Variants in KCNU1 observed in about 807,000 individuals in gnomAD.
KCNU1 encodes the protein potassium calcium-activated channel subfamily U member 1.
In KCNU1, 93 loss-of-function variants were observed where a neutral mutation model predicts 126.8. That is an observed-to-expected ratio of 0.73 (90% confidence interval 0.62 to 0.87). The LOEUF is 0.87. Among genes scored for constraint, KCNU1 ranks in the 40% least tolerant of loss-of-function variants. The probability of loss-of-function intolerance (pLI) is 0.00; values close to 1 mark genes in which losing one functional copy is unlikely to be tolerated. For missense variants in KCNU1, 1,330 were observed against 1,367.1 expected (o/e 0.97, Z 0.43); for synonymous variants, 523 against 494.2 (o/e 1.06, Z -0.77).
chr8:36,883,618 T>C (rs1220358903), intron 19 of KCNU1, among the ~76,000 whole-genome samples: 2 of 151,890 alleles, frequency 1.3e-5, no homozygotes, highest in Non-Finnish European at 2.9e-5. Flanking sequence ...ACCCTGTCTC[T>C]ACAAAAAAAG....
At chr8:36,789,401 G>T (rs563377446) in intron 2 of KCNU1, among the ~76,000 whole-genome samples, 24 of 152,038 alleles carry the variant, frequency 1.6e-4, no homozygotes, top group African/African-American at 5.8e-4. Flanking sequence ...GCATAACTGA[G>T]TCTCTTAGAG....
intron 19 of KCNU1, among the ~76,000 whole-genome samples, chr8:36,897,727 T>G (rs901360530): frequency 1.3e-5 from 2 of 152,074 alleles, no homozygotes; most frequent in African/African-American, 4.8e-5. Context: ...TTCTGACGCT[T>G]ACCTTTCATC....
At chr8:36,918,700 G>A in intron 22 of KCNU1, 123 bp from the exon 23 acceptor site, 1 of 683,392 alleles carries the variant, frequency 1.5e-6, no homozygotes, top group Non-Finnish European at 2.6e-6. Context: ...AAAGGATTTG[G>A]GATTTATACA....
intron 25 of KCNU1, among the ~76,000 whole-genome samples, 166 bp from the exon 26 acceptor site, chr8:36,932,754 A>C (rs1428085860): frequency 6.6e-6 from 1 of 152,116 alleles, no homozygotes. Context: ...TTCAGAACTA[A>C]TCATACTCTT....
chr8:36,908,089 G>A (rs1439290133), intron 20 of KCNU1, among the ~76,000 whole-genome samples: 1 of 152,032 alleles, frequency 6.6e-6, no homozygotes, highest in Non-Finnish European at 1.5e-5. Flanking sequence ...CATGTCTTCT[G>A]ACTCCGAGTC....
chr8:36,840,396 C>A, intron 14 of KCNU1, 67 bp from the exon 15 acceptor site: 2 of 746,408 alleles, frequency 2.7e-6, no homozygotes, highest in South Asian at 1.6e-5. Flanking sequence ...GCAGAATATG[C>A]AATGTGAATT....
At chr8:36,871,609 C>T (rs1414903273) in intron 19 of KCNU1, among the ~76,000 whole-genome samples, 2 of 152,116 alleles carry the variant, frequency 1.3e-5, no homozygotes, top group African/African-American at 4.8e-5. Flanking sequence ...TCCTGCCTAG[C>T]TTCACAGACT....
At chr8:36,844,213 T>C (rs534230878) in intron 16 of KCNU1, among the ~76,000 whole-genome samples, 31 of 152,136 alleles carry the variant, frequency 2.0e-4, no homozygotes, top group African/African-American at 7.0e-4. Context: ...ACTCCGTCTC[T>C]ACTAAAAATA....
chr8:36,879,209 G>GTATATATATA (rs1429299814), intron 19 of KCNU1, among the ~76,000 whole-genome samples: 5,688 of 85,324 alleles, frequency 0.067, 157 homozygotes, highest in Middle Eastern at 0.079. Flanking sequence ...GTGTGTGTGT[G>GTATATATATA]TGTATATATA....
chr8:36,929,595 C>A (rs1242775396), intron 24 of KCNU1, among the ~76,000 whole-genome samples: 1 of 152,070 alleles, frequency 6.6e-6, no homozygotes, highest in Non-Finnish European at 1.5e-5. Context: ...AGAGAAATTT[C>A]ATTCTGCTTA....
At chr8:36,801,205 T>C (rs1803290755) in intron 2 of KCNU1, among the ~76,000 whole-genome samples, 2 of 152,198 alleles carry the variant, frequency 1.3e-5, no homozygotes, top group African/African-American at 2.4e-5. Flanking sequence ...AGATGCCTGC[T>C]TTAGATAATA....
chr8:36,833,241 C>A (rs1409223352), intron 10 of KCNU1, among the ~76,000 whole-genome samples: 2 of 152,078 alleles, frequency 1.3e-5, no homozygotes, highest in East Asian at 3.8e-4. Context: ...TCTCTCATAA[C>A]AGTGGCAGAC....
chr8:36,894,416 T>C (rs1807100394), intron 19 of KCNU1, among the ~76,000 whole-genome samples: 1 of 152,110 alleles, frequency 6.6e-6, no homozygotes, highest in Non-Finnish European at 1.5e-5. Context: ...TAATGGTGAA[T>C]CAATTAAATT....
chr8:36,812,723 T>C (rs912139922), intron 7 of KCNU1, among the ~76,000 whole-genome samples: 1 of 152,180 alleles, frequency 6.6e-6, no homozygotes, highest in Admixed American at 6.5e-5. Context: ...CAATGTAACA[T>C]GGTTAAGAGG....
chr8:36,924,242 A>C (rs1305194726), intron 24 of KCNU1, among the ~76,000 whole-genome samples: 1 of 152,252 alleles, frequency 6.6e-6, no homozygotes, highest in African/African-American at 2.4e-5. Context: ...GAAGAGCTGC[A>C]AAATGGCTGG....
At chr8:36,792,389 G>A (rs1282565116) in intron 2 of KCNU1, among the ~76,000 whole-genome samples, 3 of 152,158 alleles carry the variant, frequency 2.0e-5, no homozygotes, top group Admixed American at 6.5e-5. Flanking sequence ...TGAAGCCAGT[G>A]GAGGTAAAAT....
At chr8:36,853,131 C>T (rs1805410686) in intron 18 of KCNU1, among the ~76,000 whole-genome samples, 1 of 152,160 alleles carries the variant, frequency 6.6e-6, no homozygotes, top group Non-Finnish European at 1.5e-5. Flanking sequence ...TGGCGTATCA[C>T]CTGAGATCAG....
chr8:36,879,461 T>C (rs550603606), intron 19 of KCNU1, among the ~76,000 whole-genome samples: 45 of 152,072 alleles, frequency 3.0e-4, no homozygotes, highest in African/African-American at 9.9e-4. Flanking sequence ...ATTGAATAAA[T>C]TAATGCAGAG....
At chr8:36,796,896 A>G (rs1293500099) in intron 2 of KCNU1, among the ~76,000 whole-genome samples, 1 of 152,136 alleles carries the variant, frequency 6.6e-6, no homozygotes, top group African/African-American at 2.4e-5. Context: ...TTTTATTGGT[A>G]TTTATATTAT....
Sources: gnomAD v4.1 joint callset for allele counts (sites outside exome capture counted in the v4.1 genomes callset) on GRCh38, gnomAD v4.1.1 for gene constraint, MANE v1.5 for transcripts, NCBI Gene and HGNC (gene_info 2026-07-23, HGNC 2026-07-21) for gene names.